The following MYO18B variants were observed in gnomAD, a reference collection of about 807,000 sequenced individuals.
The protein encoded by MYO18B is unconventional myosin-XVIIIb.
A neutral mutation model predicts 273.0 loss-of-function variants in MYO18B; 204 were observed. That is an observed-to-expected ratio of 0.75 (90% CI 0.67 to 0.84). The LOEUF (loss-of-function observed/expected upper bound fraction) is 0.84, where lower values mean the gene tolerates loss of function less well. Among genes scored for constraint, MYO18B ranks in the 40% least tolerant of loss-of-function variants. MYO18B has a pLI of 0.00. For synonymous variants in MYO18B, 1,330 were observed against 1,305.7 expected (o/e 1.02, Z -0.40); for missense variants, 3,212 against 3,287.6 (o/e 0.98, Z 0.56).
At chr22:25,817,122 C>T (rs1805694225) in intron 12 of MYO18B, among the ~76,000 whole-genome samples, 1 of 152,158 alleles carries the variant, frequency 6.6e-6, no homozygotes, top group African/African-American at 2.4e-5. Context: ...GAAAAACCTG[C>T]CTTTGCAGGT....
intron 34 of MYO18B, among the ~76,000 whole-genome samples, chr22:25,942,305 G>T (rs1189706523): frequency 1.3e-5 from 2 of 152,286 alleles, no homozygotes; most frequent in Non-Finnish European, 2.9e-5. Flanking sequence ...TCCCTGGCAG[G>T]TTCCAGGAAT....
At chr22:26,057,044 G>A in the MYO18B span, among the ~76,000 whole-genome samples, 5 of 152,072 alleles carry the variant, frequency 3.3e-5, no homozygotes, top group African/African-American at 4.8e-5. Flanking sequence ...CACATTTCTG[G>A]CATTTGGAGG....
chr22:25,936,669 T>TTTAATAAATAAATAAATA (rs1331623590), intron 34 of MYO18B, among the ~76,000 whole-genome samples: 1 of 152,150 alleles, frequency 6.6e-6, no homozygotes, highest in Non-Finnish European at 1.5e-5. Context: ...GTAGCTTCAG[T>TTTAATAAATAAATAAATA]AACAGACATT....
the MYO18B span, among the ~76,000 whole-genome samples, chr22:26,052,262 C>T: frequency 2.0e-5 from 3 of 152,158 alleles, no homozygotes; most frequent in African/African-American, 4.8e-5. Flanking sequence ...ATGGGATTCC[C>T]TCCAACTTGG....
rs1213414922 is a variant in MYO18B, at chr22:25,768,455, C to T, written c.539C>T (p.Thr180Ile). The change falls in exon 4 of 44, where the codon ACC (threonine) becomes ATC (isoleucine). Residue 180 changes from threonine (T) to isoleucine (I), a missense_variant. Physicochemically the swap from Thr to Ile is moderately conservative, Grantham distance 89 (BLOSUM62 -1). Transcript: ENST00000335473. The stretch of plus-strand genomic sequence containing the variant: ...CCCCATGACGCCCCCCCTTGCAAGA[C>T]CTCTCCCCCCGCCACAGATACTGGA... ...THPHDAPPCK[T>I]SPPATDTGKE... The T allele has an allele frequency of 2.4e-6, 3 of 1,237,934 alleles. No homozygotes were observed. Among genetic ancestry groups the T allele is most frequent in the African/African-American group, 3.0e-5 (2 of 66,108 alleles). 76.7% of individuals were successfully genotyped at this position (1,237,934 alleles called of 1,614,324 possible). A position where few individuals can be genotyped will look rare whatever the true frequency, so the allele number is the denominator to read the frequency against.
intron 36 of MYO18B, among the ~76,000 whole-genome samples, chr22:25,949,865 T>G (rs181612220): frequency 6.6e-6 from 1 of 152,264 alleles, no homozygotes; most frequent in Admixed American, 6.5e-5. Flanking sequence ...AACAGTTGGT[T>G]CTATTTTAAA....
At position 25,928,352 on chromosome 22, in the gene MYO18B, T is replaced by C. The variant is rs201630382; in HGVS notation, c.5517+6943T>C. On this transcript the variant is annotated intron_variant, in intron 34 of 43. Transcript: ENST00000335473. ...GGAGACAGAGGGAGGTCTTTTTCTCTGAGCCCAGGAGTTTGAGACCAGCCT... is the reference window on the plus strand; with the variant it reads ...GGAGACAGAGGGAGGTCTTTTTCTCCGAGCCCAGGAGTTTGAGACCAGCCT... Among the ~76,000 whole-genome samples the C allele has an allele frequency of 3.0e-4, 43 of 143,632 alleles. No homozygotes were observed. The East Asian group carries it at 8.8e-3, about 29-fold the overall frequency. 94.2% of individuals were successfully genotyped at this position (143,632 alleles called of 152,430 possible).
chr22:25,765,521 G>A (rs1023482208), intron 3 of MYO18B, among the ~76,000 whole-genome samples: 2 of 152,186 alleles, frequency 1.3e-5, no homozygotes, highest in Admixed American at 6.5e-5. Context: ...AAAGTAACCC[G>A]TATTGAATGT....
intron 27 of MYO18B, 80 bp downstream of exon 27, chr22:25,891,492 CT>C: frequency 1.1e-6 from 1 of 922,268 alleles, no homozygotes; most frequent in Non-Finnish European, 1.7e-6. Context: ...TCATAGAGCA[CT>C]TTTTAGGTGC....
At position 26,030,867 on chromosome 22, in the gene MYO18B, C is replaced by T; in HGVS notation, c.*437C>T. On this transcript the variant is annotated 3_prime_UTR_variant, in exon 44 of 44. Transcript: ENST00000335473. ...AGGAAGTCTTTCCTGATATATCAAA[C>T]TGAAACAAATGCTCCTCCTCCATGC... 1 of 398,562 alleles carries T rather than the reference C, an allele frequency of 2.5e-6. No homozygotes were observed. The highest frequency in any genetic ancestry group is 4.4e-6 in the Non-Finnish European group (1 of 226,044). 24.7% of individuals were successfully genotyped at this position (398,562 alleles called of 1,614,324 possible).
chr22:25,917,541 T>TA (rs2092278488), intron 33 of MYO18B, among the ~76,000 whole-genome samples: 2 of 121,814 alleles, frequency 1.6e-5, no homozygotes, highest in African/African-American at 6.5e-5. Flanking sequence ...TAAAGCTTTG[T>TA]AGGGGTGTGT....
chr22:25,832,834 T>G, intron 15 of MYO18B, 83 bp from the exon 16 acceptor site: 1 of 1,251,294 alleles, frequency 8.0e-7, no homozygotes, highest in Non-Finnish European at 1.2e-6. Context: ...ATGGAAATCC[T>G]CTCCGCTTTT....
At chr22:25,898,627 A>G (rs2091864779) in intron 29 of MYO18B, 166 bp downstream of exon 29, 2 of 679,418 alleles carry the variant, frequency 2.9e-6, no homozygotes, top group East Asian at 2.8e-5. Context: ...GGTTCTCCCA[A>G]GAATCCAGCA....
At chr22:26,009,206 T>C (rs1205138787) in intron 42 of MYO18B, among the ~76,000 whole-genome samples, 2 of 152,250 alleles carry the variant, frequency 1.3e-5, no homozygotes, top group Non-Finnish European at 2.9e-5. Flanking sequence ...CATTCATCTC[T>C]ATTTGCCCCC....
chr22:25,776,417 G>A (rs1196119777), intron 7 of MYO18B, among the ~76,000 whole-genome samples: 3 of 152,158 alleles, frequency 2.0e-5, no homozygotes, highest in Admixed American at 6.5e-5. Context: ...GGCTAACATG[G>A]TGAAACCCCA....
At chr22:25,851,805 G>A (rs1340659830) in intron 21 of MYO18B, among the ~76,000 whole-genome samples, 2 of 152,134 alleles carry the variant, frequency 1.3e-5, no homozygotes, top group Non-Finnish European at 2.9e-5. Flanking sequence ...TTGCCCCAGG[G>A]GGCATCTGGA....
In MYO18B at chr22:25,846,135, A is replaced by C; in HGVS notation, c.3404A>C (p.Lys1135Thr). The change falls in exon 19 of 44, where the codon AAG (lysine) becomes ACG (threonine). Residue 1135 changes from lysine to threonine, a missense_variant. Lys to Thr is a moderately conservative substitution (Grantham distance 78). Transcript: ENST00000335473. ...CGGAGTCTATTCCAGGCCCGGGCCA[A>C]GCTGCCTCCTGTGTGCCGGGCTGTG... ...ELRSLFQARA[K>T]LPPVCRAVAG... 6.3e-7 allele frequency: 1 copy of C among 1,599,068 alleles called. No homozygotes were observed. The highest frequency in any genetic ancestry group is 8.5e-7 in the Non-Finnish European group (1 of 1,174,630).
At chr22:25,938,757 A>G (rs1238904476) in intron 34 of MYO18B, among the ~76,000 whole-genome samples, 1 of 152,218 alleles carries the variant, frequency 6.6e-6, no homozygotes, top group Non-Finnish European at 1.5e-5. Context: ...ACTCTGTCAC[A>G]GGGTTTTGGG....
At chr22:25,847,337 C>T in intron 19 of MYO18B, 93 bp from the exon 20 acceptor site, 2 of 1,170,954 alleles carry the variant, frequency 1.7e-6, no homozygotes, top group Non-Finnish European at 2.4e-6. Context: ...CAAAGATGCT[C>T]AGGTTGGGCT....
Sources: gnomAD v4.1 joint callset for allele counts (sites outside exome capture counted in the v4.1 genomes callset) on GRCh38, gnomAD v4.1.1 for gene constraint, MANE v1.5 for transcripts, NCBI Gene and HGNC (gene_info 2026-07-23, HGNC 2026-07-21) for gene names.